The following KATNA1 variants were observed in gnomAD, a reference collection of about 807,000 sequenced individuals.
The protein encoded by KATNA1 is katanin p60 ATPase-containing subunit A1.
KATNA1 carries 42 observed loss-of-function variants against 62.6 expected under a neutral mutation model. That is an observed-to-expected ratio of 0.67 (90% CI 0.52 to 0.87). KATNA1 has a LOEUF of 0.87. Among genes scored for constraint, KATNA1 ranks in the 40% least tolerant of loss-of-function variants. KATNA1 has a pLI of 0.00. For synonymous variants in KATNA1, 186 were observed against 201.9 expected, an observed-to-expected ratio of 0.92 and a Z score of 0.67; for missense variants, 498 against 612.5, an observed-to-expected ratio of 0.81 and a Z score of 1.97.
At chr6:149,626,679 G>T (rs575856183) in intron 3 of KATNA1, among the ~76,000 whole-genome samples, 2 of 151,534 alleles carry the variant, frequency 1.3e-5, no homozygotes, top group South Asian at 2.1e-4. Context: ...TGTGTGCAGG[G>T]TATGTGCAAA....
At chr6:149,622,188 G>A (rs1222740330) in intron 4 of KATNA1, among the ~76,000 whole-genome samples, 2 of 150,950 alleles carry the variant, frequency 1.3e-5, no homozygotes, top group Non-Finnish European at 3.0e-5. Flanking sequence ...GCTGGAGTGC[G>A]GTGGCGCGGT....
At chr6:149,616,031 A>C (rs1025886771) in intron 4 of KATNA1, among the ~76,000 whole-genome samples, 4 of 152,160 alleles carry the variant, frequency 2.6e-5, no homozygotes, top group African/African-American at 9.7e-5. Context: ...TCACAGAGAG[A>C]GGAGGTAGAA....
chr6:149,633,260 A>T (rs1176714001), intron 2 of KATNA1, among the ~76,000 whole-genome samples: 1 of 151,724 alleles, frequency 6.6e-6, no homozygotes, highest in East Asian at 2.0e-4. Context: ...GGCGCCCGCC[A>T]CCACGCCTGG....
In KATNA1 at chr6:149,618,851, C is replaced by T. The variant is rs79013748; in HGVS notation, c.501+4252G>A. Among the ~76,000 whole-genome samples the T allele has an allele frequency of 3.6e-3, 551 of 152,238 alleles. 3 individuals are homozygous for T. Among genetic ancestry groups the T allele is most frequent in the African/African-American group, 0.013 (524 of 41,554 alleles). The stretch of plus-strand genomic sequence containing the variant: ...ACTCAAAATAAATTAAAGATATAAA[C>T]GTTTACACCTGAAACTATGAAATTA... On this transcript the variant is annotated intron_variant, in intron 4 of 10. Coordinates refer to ENST00000367411, the MANE Select transcript of KATNA1 (RefSeq NM_007044.4).
intron 4 of KATNA1, among the ~76,000 whole-genome samples, chr6:149,610,835 A>G (rs978869550): frequency 7.9e-5 from 12 of 152,196 alleles, no homozygotes; most frequent in African/African-American, 2.9e-4. Context: ...AGCCTGGGCG[A>G]TAAGAGTGAG....
chr6:149,614,667 AGG>A (rs1244169722), intron 4 of KATNA1, among the ~76,000 whole-genome samples: 1 of 152,204 alleles, frequency 6.6e-6, no homozygotes, highest in Non-Finnish European at 1.5e-5. Flanking sequence ...CCAGCTACTC[AGG>A]AAGCTAAGGT....
intron 5 of KATNA1, among the ~76,000 whole-genome samples, chr6:149,603,884 T>G (rs1188999728): frequency 6.6e-6 from 1 of 152,212 alleles, no homozygotes; most frequent in Non-Finnish European, 1.5e-5. Flanking sequence ...GAATACCTAC[T>G]ACTACTGCTA....
intron 4 of KATNA1, among the ~76,000 whole-genome samples, chr6:149,613,959 G>T (rs953259285): frequency 6.6e-6 from 1 of 152,160 alleles, no homozygotes; most frequent in Non-Finnish European, 1.5e-5. Flanking sequence ...TGAGAACAAA[G>T]TGTTCCTCTA....
rs748254559 is a variant in KATNA1 at position 149,598,346 on chromosome 6, C to T, written c.893G>A (p.Arg298Gln). 5.0e-6 allele frequency: 8 copies of T among 1,613,314 alleles called. No individual in the cohort carries two copies. The highest frequency in any genetic ancestry group is 2.2e-5 in the East Asian group (1 of 44,886). The part of the protein sequence containing the change: ...KLVRLLFEMA[R>Q]FYSPATIFID... Reference sequence around the variant, plus strand: ...AAATATGGTGGCTGGAGAATAAAATCGAGCCTAAAGGAAGAAACCATGCAA... The same window carrying T: ...AAATATGGTGGCTGGAGAATAAAATTGAGCCTAAAGGAAGAAACCATGCAA... Residue 298 changes from arginine (R) to glutamine (Q), a missense_variant, in exon 8 of 11, where the codon CGA becomes CAA. Coordinates refer to ENST00000367411, the MANE Select transcript of KATNA1 (RefSeq NM_007044.4).
chr6:149,617,929 CTT>C (rs1023047752), intron 4 of KATNA1, among the ~76,000 whole-genome samples: 17 of 85,964 alleles, frequency 2.0e-4, no homozygotes, highest in African/African-American at 1.0e-3. Flanking sequence ...GAGTGAAACT[CTT>C]GTCTCCAAAA....
In KATNA1 at chr6:149,594,877, C is replaced by T. The variant is rs112165893; in HGVS notation, c.*159G>A. ...GTAATGCTAAAGTAAAACAAATTTT[C>T]AGCTTAAAAATATTGCCTTTATTCA... On this transcript the variant is annotated 3_prime_UTR_variant, in exon 11 of 11. Transcript: ENST00000367411. The T allele has an allele frequency of 1.8e-6, 1 of 543,008 alleles. No homozygotes were observed. The highest frequency in any genetic ancestry group is 3.2e-5 in the East Asian group (1 of 31,638). 33.6% of individuals were successfully genotyped at this position (543,008 alleles called of 1,614,324 possible).
In KATNA1 at chr6:149,594,958, T is replaced by C. The variant is rs1778239642; in HGVS notation, c.*78A>G. On this transcript the variant is annotated 3_prime_UTR_variant, in exon 11 of 11. Coordinates refer to ENST00000367411, the MANE Select transcript of KATNA1 (RefSeq NM_007044.4). ...ACCATTATGAAAGTTAAAAAAAATATAGCACTCAGTACAATGAATTACTGC... is the reference window on the plus strand; with the variant it reads ...ACCATTATGAAAGTTAAAAAAAATACAGCACTCAGTACAATGAATTACTGC... 1.0e-5 allele frequency: 11 copies of C among 1,081,878 alleles called. No homozygotes were observed. The highest frequency in any genetic ancestry group is 1.5e-5 in the Non-Finnish European group (11 of 745,958). 67.0% of individuals were successfully genotyped at this position (1,081,878 alleles called of 1,614,324 possible).
chr6:149,610,535 A>T (rs1291737654), intron 4 of KATNA1, among the ~76,000 whole-genome samples: 1 of 152,190 alleles, frequency 6.6e-6, no homozygotes, highest in East Asian at 1.9e-4. Context: ...TCAAACTAGA[A>T]ATCAGTAACA....
rs377721507 is a variant in KATNA1, at chr6:149,597,524, T to C, written c.1133A>G (p.Tyr378Cys). The change falls in exon 9 of 11, where the codon TAT becomes TGT. Residue 378 changes from tyrosine (Y) to cysteine (C), a missense_variant. Coordinates refer to ENST00000367411, the MANE Select transcript of KATNA1 (RefSeq NM_007044.4). ...ALRRRLEKRI[Y>C]IPLPSAKGRE... ...GAAGATACCTGACGGCAAAGGAATATAGATTCGTTTCTCAAGGCGTCGTCT... is the reference window on the plus strand; with the variant it reads ...GAAGATACCTGACGGCAAAGGAATACAGATTCGTTTCTCAAGGCGTCGTCT... 9.3e-6 allele frequency: 15 copies of C among 1,613,976 alleles called. No homozygotes were observed. The highest frequency in any genetic ancestry group is 6.7e-5 in the African/African-American group (5 of 74,940).
chr6:149,602,972 C>T (rs1294666341), intron 6 of KATNA1, among the ~76,000 whole-genome samples: 2 of 152,146 alleles, frequency 1.3e-5, no homozygotes, highest in African/African-American at 2.4e-5. Context: ...CCGCCCGCCT[C>T]GGCCTCCTAA....
chr6:149,620,335 G>T (rs1779346716), intron 4 of KATNA1, among the ~76,000 whole-genome samples: 1 of 152,054 alleles, frequency 6.6e-6, no homozygotes, highest in Admixed American at 6.6e-5. Flanking sequence ...GTCTCACTTT[G>T]TCTCCCAGGC....
chr6:149,607,528 C>A (rs183453244), intron 4 of KATNA1, among the ~76,000 whole-genome samples: 167 of 152,282 alleles, frequency 1.1e-3, no homozygotes, highest in Non-Finnish European at 1.8e-3. Context: ...AGGAGAATCG[C>A]TTGAACCCAG....
intron 3 of KATNA1, among the ~76,000 whole-genome samples, chr6:149,629,384 C>T (rs942909014): frequency 6.6e-6 from 1 of 152,096 alleles, no homozygotes; most frequent in African/African-American, 2.4e-5. Context: ...AGGTGGCTGT[C>T]TGCTCAGGAA....
intron 4 of KATNA1, among the ~76,000 whole-genome samples, chr6:149,609,525 C>T (rs1021587916): frequency 4.6e-5 from 7 of 151,934 alleles, no homozygotes; most frequent in Non-Finnish European, 1.0e-4. Context: ...CCTGTCTCGG[C>T]CAGGCATGGT....
Sources: gnomAD v4.1 joint callset for allele counts (sites outside exome capture counted in the v4.1 genomes callset) on GRCh38, gnomAD v4.1.1 for gene constraint, MANE v1.5 for transcripts, NCBI Gene and HGNC (gene_info 2026-07-23, HGNC 2026-07-21) for gene names.